Variants in CRPPA observed in about 807,000 individuals in gnomAD.
The protein encoded by CRPPA is D-ribitol-5-phosphate cytidylyltransferase.
Under a neutral mutation model 52.0 loss-of-function variants are expected in CRPPA, and 43 were observed. The observed-to-expected ratio is 0.83, with a 90% confidence interval of 0.65 to 1.07. The LOEUF (loss-of-function observed/expected upper bound fraction) is 1.07. Ranked by LOEUF, CRPPA falls within the 50% of genes least tolerant of loss-of-function variation. The probability of loss-of-function intolerance (pLI) is 0.00; values close to 1 mark genes in which losing one functional copy is unlikely to be tolerated. For synonymous variants in CRPPA, 250 were observed against 203.5 expected (o/e 1.23, Z -1.94); for missense variants, 629 against 551.7 (o/e 1.14, Z -1.40).
intron 3 of CRPPA, among the ~76,000 whole-genome samples, chr7:16,329,212 G>T (rs1583523802): frequency 2.0e-5 from 3 of 152,176 alleles, no homozygotes; most frequent in African/African-American, 7.2e-5. Context: ...TAATTTGGTG[G>T]TGGCAATAGG....
intron 3 of CRPPA, among the ~76,000 whole-genome samples, chr7:16,363,877 G>A (rs1786521351): frequency 6.6e-6 from 1 of 152,110 alleles, no homozygotes; most frequent in African/African-American, 2.4e-5. Flanking sequence ...CCTGCTATAA[G>A]TTCAATATAC....
intron 9 of CRPPA, among the ~76,000 whole-genome samples, chr7:16,095,521 G>T (rs1376330035): frequency 6.6e-6 from 1 of 152,108 alleles, no homozygotes; most frequent in Non-Finnish European, 1.5e-5. Context: ...ATAGAGTAGG[G>T]TATATCACCC....
At chr7:16,275,460 G>A (rs1387307153) in intron 6 of CRPPA, among the ~76,000 whole-genome samples, 2 of 151,780 alleles carry the variant, frequency 1.3e-5, no homozygotes, top group African/African-American at 4.9e-5. Flanking sequence ...AGAAAGTACA[G>A]GCAAAGGACG....
chr7:16,224,413 G>A (rs1782597544), intron 8 of CRPPA, among the ~76,000 whole-genome samples: 2 of 152,092 alleles, frequency 1.3e-5, no homozygotes, highest in Admixed American at 1.3e-4. Flanking sequence ...ACAATAAAAG[G>A]CATGCGAAGG....
At chr7:16,339,737 G>C (rs1231578804) in intron 3 of CRPPA, among the ~76,000 whole-genome samples, 2 of 152,160 alleles carry the variant, frequency 1.3e-5, no homozygotes, top group Admixed American at 1.3e-4. Context: ...TGATTGGAAA[G>C]AAGTAAACTC....
chr7:16,225,955 A>T (rs191219879), intron 8 of CRPPA, among the ~76,000 whole-genome samples: 5 of 152,072 alleles, frequency 3.3e-5, no homozygotes, highest in African/African-American at 1.2e-4. Context: ...GGTATTCAGA[A>T]TACACAGAAA....
At chr7:16,176,244 G>A (rs1781294039) in intron 9 of CRPPA, among the ~76,000 whole-genome samples, 1 of 151,940 alleles carries the variant, frequency 6.6e-6, no homozygotes. Flanking sequence ...AAAGAGAGAA[G>A]ACCAAATGTC....
At chr7:16,380,984 A>C (rs562926545) in intron 2 of CRPPA, among the ~76,000 whole-genome samples, 183 of 150,372 alleles carry the variant, frequency 1.2e-3, no homozygotes, top group African/African-American at 4.1e-3. Context: ...TTGTGTCTCT[A>C]TTTCCTTCAG....
Position 16,402,834 on chromosome 7 carries a change from G to A in CRPPA, c.534+3227C>T, listed in dbSNP as rs1269208626. On this transcript the variant is annotated intron_variant, in intron 2 of 9. Transcript: ENST00000407010. ...TATATACAGTATACATAAGGTAAGG[G>A]GAAAAGAGTTGTCAGGACCAGAAAT... 2.0e-5 allele frequency among the ~76,000 whole-genome samples: 3 copies of A among 151,968 alleles called. No homozygotes were observed. In the East Asian group the frequency reaches 5.8e-4, roughly 29 times the overall value.
chr7:16,163,632 T>C (rs1022885709), intron 9 of CRPPA, among the ~76,000 whole-genome samples: 2 of 152,142 alleles, frequency 1.3e-5, no homozygotes, highest in African/African-American at 4.8e-5. Context: ...ACATTTTGGT[T>C]TGTTTGTGCA....
intron 5 of CRPPA, among the ~76,000 whole-genome samples, chr7:16,289,382 AC>A (rs1426724170): frequency 6.6e-6 from 1 of 152,106 alleles, no homozygotes; most frequent in Admixed American, 6.5e-5. Context: ...TGATACCAAA[AC>A]CAGACAAGAA....
At chr7:16,367,888 C>T (rs559563136) in intron 3 of CRPPA, among the ~76,000 whole-genome samples, 1 of 152,128 alleles carries the variant, frequency 6.6e-6, no homozygotes, top group South Asian at 2.1e-4. Flanking sequence ...ATGTCTCCAT[C>T]GTCAAGTCTA....
intron 8 of CRPPA, among the ~76,000 whole-genome samples, chr7:16,240,903 C>T: frequency 6.6e-6 from 1 of 152,036 alleles, no homozygotes; most frequent in East Asian, 1.9e-4. Flanking sequence ...AAGTAAGAAG[C>T]CATTAGCACA....
intron 1 of CRPPA, among the ~76,000 whole-genome samples, chr7:16,418,909 A>G (rs901679627): frequency 1.3e-5 from 2 of 152,158 alleles, no homozygotes; most frequent in Non-Finnish European, 2.9e-5. Flanking sequence ...AGTTTTCTCC[A>G]TGGGAGAAAA....
chr7:16,354,827 T>C (rs1433251295), intron 3 of CRPPA, among the ~76,000 whole-genome samples: 1 of 152,188 alleles, frequency 6.6e-6, no homozygotes, highest in Non-Finnish European at 1.5e-5. Flanking sequence ...TCTTTTTTAA[T>C]ATATATTTCA....
At chr7:16,227,670 T>A (rs1003221361) in intron 8 of CRPPA, among the ~76,000 whole-genome samples, 1 of 151,862 alleles carries the variant, frequency 6.6e-6, no homozygotes, top group South Asian at 2.1e-4. Flanking sequence ...ATAGTTCGCA[T>A]ATGAGATGTA....
At chr7:16,272,167 G>A (rs1233431854) in intron 6 of CRPPA, among the ~76,000 whole-genome samples, 2 of 152,104 alleles carry the variant, frequency 1.3e-5, no homozygotes, top group Admixed American at 6.6e-5. Context: ...GAGGAAAATA[G>A]CAAGACTGAT....
chr7:16,164,377 CTG>C (rs988958875), intron 9 of CRPPA, among the ~76,000 whole-genome samples: 1 of 152,168 alleles, frequency 6.6e-6, no homozygotes, highest in African/African-American at 2.4e-5. Context: ...TTATGTTCTT[CTG>C]TAAACTGGTT....
At chr7:16,367,723 T>G (rs991297996) in intron 3 of CRPPA, among the ~76,000 whole-genome samples, 8 of 152,170 alleles carry the variant, frequency 5.3e-5, no homozygotes, top group Admixed American at 5.2e-4. Flanking sequence ...TCCTGTCATA[T>G]TTCTTTAATT....
Sources: gnomAD v4.1 joint callset for allele counts (sites outside exome capture counted in the v4.1 genomes callset) on GRCh38, gnomAD v4.1.1 for gene constraint, MANE v1.5 for transcripts, NCBI Gene and HGNC (gene_info 2026-07-23, HGNC 2026-07-21) for gene names.